Variants in COPS3 observed in about 807,000 individuals in gnomAD.
The protein encoded by COPS3 is COP9 signalosome complex subunit 3.
A neutral mutation model predicts 58.2 loss-of-function variants in COPS3; 10 were observed. The ratio of observed to expected loss-of-function variants is 0.17; its 90% confidence interval spans 0.11 to 0.29. The LOEUF (loss-of-function observed/expected upper bound fraction) is 0.29. COPS3 is among the 10% of genes least tolerant of loss of function. The pLI is 1.00. For synonymous variants in COPS3, 187 were observed against 181.7 expected, an observed-to-expected ratio of 1.03 and a Z score of -0.24; for missense variants, 333 against 510.1, an observed-to-expected ratio of 0.65 and a Z score of 3.34.
chr17:17,279,640 TAAAGGTTATTTGTCCA>T (rs1409481714), intron 1 of COPS3, among the ~76,000 whole-genome samples: 1 of 152,162 alleles, frequency 6.6e-6, no homozygotes, highest in African/African-American at 2.4e-5. Flanking sequence ...ACTCAGAGAT[TAAAGGTTATTTGTCCA>T]AGGTCAAGCA....
intron 9 of COPS3, among the ~76,000 whole-genome samples, chr17:17,253,410 T>C (rs2047894401): frequency 6.6e-6 from 1 of 152,210 alleles, no homozygotes; most frequent in African/African-American, 2.4e-5. Context: ...GGTTATCATA[T>C]AGTCATTTAA....
intron 6 of COPS3, among the ~76,000 whole-genome samples, chr17:17,263,510 C>CTTTTTT (rs34755381): frequency 2.1e-4 from 21 of 98,882 alleles, no homozygotes; most frequent in African/African-American, 5.7e-4. Context: ...CTTGCCTTTT[C>CTTTTTT]TTTTTTTTTT....
intron 10 of COPS3, among the ~76,000 whole-genome samples, chr17:17,248,457 G>A (rs373807719): frequency 2.3e-4 from 35 of 152,270 alleles, no homozygotes; most frequent in African/African-American, 8.4e-4. Flanking sequence ...TGGGATTACA[G>A]GCGTGCACCA....
chr17:17,263,774 A>G (rs1014171597), intron 6 of COPS3, among the ~76,000 whole-genome samples: 5 of 151,972 alleles, frequency 3.3e-5, no homozygotes, highest in African/African-American at 1.2e-4. Context: ...TCGGCCTCCC[A>G]AAGTGCTGGG....
At chr17:17,280,719 G>A (rs3853545) in intron 1 of COPS3, 4 of 1,256,722 alleles carry the variant, frequency 3.2e-6, no homozygotes, top group Non-Finnish European at 4.1e-6. Flanking sequence ...CGCTCCCGGC[G>A]GCCTAGTCAG....
chr17:17,254,814 GAAAAAAAAA>G lies in COPS3; in HGVS notation c.1023+36_1023+44del, dbSNP rs71152853. On this transcript the variant is annotated intron_variant, in intron 9 of 11. Coordinates refer to ENST00000268717, the MANE Select transcript of COPS3 (RefSeq NM_003653.4). ...ACAGAGCGAGACTCCATCTCAAAAA[GAAAAAAAAA>G]AAAAAAAAAGAAAAAGAAAAAGAAA... 103 of 822,806 alleles carry G rather than the reference GAAAAAAAAA, an allele frequency of 1.3e-4. 1 individual carries two copies. The highest frequency in any genetic ancestry group is 2.1e-4 in the Admixed American group (6 of 28,210). 51.0% of individuals were successfully genotyped at this position (822,806 alleles called of 1,614,324 possible).
chr17:17,248,226 G>A (rs1036807874), intron 10 of COPS3, among the ~76,000 whole-genome samples: 10 of 152,216 alleles, frequency 6.6e-5, no homozygotes, highest in African/African-American at 2.2e-4. Context: ...GTTATACTGG[G>A]CCCTTTAAGT....
chr17:17,281,105 GC>G, intron 1 of COPS3, 26 bp downstream of exon 1: 1 of 1,600,916 alleles, frequency 6.2e-7, no homozygotes, highest in South Asian at 1.1e-5. Flanking sequence ...ACCCGCCCAT[GC>G]CCAGCCCGGC....
intron 8 of COPS3, among the ~76,000 whole-genome samples, chr17:17,256,665 A>T (rs1567849529): frequency 6.6e-6 from 1 of 152,148 alleles, no homozygotes; most frequent in African/African-American, 2.4e-5. Context: ...CAGAGGCGCA[A>T]TCACAGTTCA....
rs1351263700 is a variant in COPS3, at chr17:17,247,057, G to A, written c.*41C>T. ...CCTCCGAACACTTGTCACTGGCCAA[G>A]ATGGTAGTTTCTCTTGTTTAGCTCA... On this transcript the variant is annotated 3_prime_UTR_variant, in exon 12 of 12. Coordinates refer to ENST00000268717, the MANE Select transcript of COPS3 (RefSeq NM_003653.4). The A allele has an allele frequency of 1.3e-6, 2 of 1,571,100 alleles. No individual in the cohort carries two copies. Among genetic ancestry groups the A allele is most frequent in the Admixed American group, 3.3e-5 (2 of 59,950 alleles).
chr17:17,255,439 C>T (rs929640567), intron 8 of COPS3, among the ~76,000 whole-genome samples: 2 of 146,188 alleles, frequency 1.4e-5, no homozygotes, highest in African/African-American at 5.1e-5. Flanking sequence ...TGAGCTGAGA[C>T]TGCGCCACTG....
rs1476170315 is a variant in COPS3, at chr17:17,281,193, C to T, written c.-7G>A. ...GCTCCAGGGCAGACGCCATGTTTTC[C>T]CCCGGGCGGCCCGAGCGGCGAAGGC... is the stretch of plus-strand genomic sequence containing the variant. On this transcript the variant is annotated 5_prime_UTR_variant, in exon 1 of 12. Transcript: ENST00000268717. 3.1e-6 allele frequency: 5 copies of T among 1,609,006 alleles called. No homozygotes were observed. The highest frequency in any genetic ancestry group is 2.7e-5 in the African/African-American group (2 of 74,868).
Position 17,264,792 on chromosome 17 carries a change from G to C in COPS3, c.621+10C>G, listed in dbSNP as rs148606959. ...TCAGAACAACCTCAGCTAATTTTTA[G>C]AGAGATTACCTGTTCATAAAAGTAG... On this transcript the variant is annotated intron_variant, in intron 6 of 11. Coordinates refer to ENST00000268717, the MANE Select transcript of COPS3 (RefSeq NM_003653.4). The C allele has an allele frequency of 3.3e-4, 525 of 1,591,674 alleles. 1 individual carries two copies. The African/African-American group carries it at 6.4e-3, about 20-fold the overall frequency.
intron 9 of COPS3, among the ~76,000 whole-genome samples, chr17:17,251,733 T>C (rs2047848164): frequency 6.6e-6 from 1 of 152,090 alleles, no homozygotes; most frequent in African/African-American, 2.4e-5. Flanking sequence ...AAGAATGTGC[T>C]GTGTGTTTCC....
At chr17:17,270,721 A>T (rs757198841) in intron 4 of COPS3, 37 bp downstream of exon 4, 3 of 1,525,004 alleles carry the variant, frequency 2.0e-6, no homozygotes, top group Non-Finnish European at 2.7e-6. Flanking sequence ...GTTACATATT[A>T]TAACAAAACT....
intron 9 of COPS3, among the ~76,000 whole-genome samples, chr17:17,252,570 G>C (rs1158629744): frequency 6.6e-6 from 1 of 152,192 alleles, no homozygotes; most frequent in African/African-American, 2.4e-5. Context: ...GTTGCCTAAT[G>C]TCTCCTGGCA....
At chr17:17,278,937 C>T (rs149760971) in intron 1 of COPS3, among the ~76,000 whole-genome samples, 4 of 150,656 alleles carry the variant, frequency 2.7e-5, no homozygotes, top group Admixed American at 6.6e-5. Flanking sequence ...GGCAGTGGCG[C>T]GATCTTGGCT....
rs1322940312 is a variant in COPS3 at position 17,281,230 on chromosome 17, GA to G, written c.-45del. 5 of 1,588,216 alleles carry G rather than the reference GA, an allele frequency of 3.1e-6. No homozygotes were observed. In the East Asian group the frequency reaches 6.8e-5, roughly 22 times the overall value. On this transcript the variant is annotated 5_prime_UTR_variant, in exon 1 of 12. Coordinates refer to ENST00000268717, the MANE Select transcript of COPS3 (RefSeq NM_003653.4). ...CGAGCGGCGAAGGCAGCACGCGCGG[GA>G]AAAGGCTGCCGCTCTGGGAGGAGGG... is the stretch of plus-strand genomic sequence containing the variant.
chr17:17,254,750 C>T, intron 9 of COPS3, 109 bp downstream of exon 9: 4 of 589,952 alleles, frequency 6.8e-6, no homozygotes, highest in Admixed American at 3.6e-5. Flanking sequence ...GTGGAGGTTG[C>T]AGTGAGCCAA....
Sources: gnomAD v4.1 joint callset for allele counts (sites outside exome capture counted in the v4.1 genomes callset) on GRCh38, gnomAD v4.1.1 for gene constraint, MANE v1.5 for transcripts, NCBI Gene and HGNC (gene_info 2026-07-23, HGNC 2026-07-21) for gene names.